UBE4B: variants seen among roughly 807,000 people sequenced by gnomAD.
UBE4B encodes the protein ubiquitin conjugation factor E4 B.
Under a neutral mutation model 148.1 loss-of-function variants are expected in UBE4B, and 27 were observed. That is an observed-to-expected ratio of 0.18 (90% CI 0.13 to 0.25). The LOEUF (loss-of-function observed/expected upper bound fraction) is 0.25, where lower values mean the gene tolerates loss of function less well. Among genes scored for constraint, UBE4B ranks in the 10% least tolerant of loss-of-function variants. The pLI, the probability that UBE4B is intolerant of heterozygous loss-of-function variation, is 1.00. For missense variants in UBE4B, 1,170 were observed against 1,662.4 expected, an observed-to-expected ratio of 0.70 and a Z score of 5.15; for synonymous variants, 596 against 619.3, an observed-to-expected ratio of 0.96 and a Z score of 0.56.
intron 3 of UBE4B, among the ~76,000 whole-genome samples, chr1:10,100,089 A>G (rs1644985917): frequency 1.3e-5 from 2 of 151,862 alleles, no homozygotes; most frequent in Non-Finnish European, 2.9e-5. Flanking sequence ...TCCCGGGTTC[A>G]GGCCATTCTC....
At chr1:10,156,536 ATACATATTGC>A (rs1646075695) in intron 21 of UBE4B, among the ~76,000 whole-genome samples, 1 of 152,056 alleles carries the variant, frequency 6.6e-6, no homozygotes, top group Non-Finnish European at 1.5e-5. Context: ...CCCTGCTGAG[ATACATATTGC>A]TACATAATAA....
Position 10,072,149 on chromosome 1 carries a change from C to T in UBE4B, c.146C>T (p.Pro49Leu), listed in dbSNP as rs1285777734. The T allele has an allele frequency of 3.1e-6, 5 of 1,613,894 alleles. No individual in the cohort carries two copies. Among genetic ancestry groups the T allele is most frequent in the Non-Finnish European group, 3.4e-6 (4 of 1,179,938 alleles). ...CCCATAGCGGCATCAGCCCCAGGACCCTCTCAGAGTCTTGGTCTCAATGTC... is the reference window on the plus strand; with the variant it reads ...CCCATAGCGGCATCAGCCCCAGGACTCTCTCAGAGTCTTGGTCTCAATGTC... ...GPPIAASAPG[P>L]SQSLGLNVHN... is the part of the protein sequence containing the mutation. The change falls in exon 2 of 28, where the codon CCC (proline) becomes CTC (leucine). Residue 49 changes from proline (P) to leucine (L), a missense_variant. Pro to Leu is a moderately conservative substitution (Grantham distance 98). Transcript: ENST00000343090.
chr1:10,167,577 A>T (rs1215225773), intron 23 of UBE4B, among the ~76,000 whole-genome samples: 1 of 149,758 alleles, frequency 6.7e-6, no homozygotes, highest in African/African-American at 2.5e-5. Flanking sequence ...CCTGAATAGA[A>T]GTTGATGGTG....
At position 10,147,043 on chromosome 1, in the gene UBE4B, C is replaced by T. The variant is rs751511397; in HGVS notation, c.2544C>T (p.Gly848=). 2 of 1,614,136 alleles carry T rather than the reference C, an allele frequency of 1.2e-6. No homozygotes were observed. The highest frequency in any genetic ancestry group is 1.7e-5 in the Admixed American group (1 of 60,002). ...SFLRRCLNFY[G]LLIQLLLRIL... is the part of the protein sequence containing the mutation. ...TGAGAAGATGTCTGAATTTTTATGG[C>T]CTTCTCATTCAGCTGCTGCTCCGCA... is the stretch of plus-strand genomic sequence containing the variant. The change falls in exon 19 of 28, where the codon GGC becomes GGT. Residue 848 remains glycine, a synonymous_variant. Transcript: ENST00000343090.
chr1:10,085,355 C>G (rs973304644), intron 2 of UBE4B, among the ~76,000 whole-genome samples: 6 of 152,208 alleles, frequency 3.9e-5, no homozygotes, highest in African/African-American at 1.4e-4. Context: ...CCTCAGGCCT[C>G]TTGACTTCAG....
chr1:10,165,132 G>A (rs1161711963), intron 23 of UBE4B, among the ~76,000 whole-genome samples: 1 of 152,166 alleles, frequency 6.6e-6, no homozygotes, highest in Non-Finnish European at 1.5e-5. Context: ...CAGACTTGCA[G>A]ACCAAGTATT....
At chr1:10,170,551 T>G (rs1646323926) in intron 24 of UBE4B, among the ~76,000 whole-genome samples, 1 of 152,188 alleles carries the variant, frequency 6.6e-6, no homozygotes, top group African/African-American at 2.4e-5. Context: ...CAGCATAGAT[T>G]ATTACTATTT....
intron 2 of UBE4B, among the ~76,000 whole-genome samples, chr1:10,094,541 C>A (rs945915671): frequency 1.3e-5 from 2 of 151,456 alleles, no homozygotes; most frequent in African/African-American, 4.9e-5. Flanking sequence ...TCAAGCAATT[C>A]TCCTGCCTCA....
At chr1:10,082,211 A>C (rs1318736188) in intron 2 of UBE4B, among the ~76,000 whole-genome samples, 1 of 152,098 alleles carries the variant, frequency 6.6e-6, no homozygotes, top group African/African-American at 2.4e-5. Flanking sequence ...AACAATTTAA[A>C]TACCCAGCTG....
chr1:10,096,155 A>G (rs1644925367), intron 3 of UBE4B, among the ~76,000 whole-genome samples: 1 of 152,228 alleles, frequency 6.6e-6, no homozygotes, highest in Non-Finnish European at 1.5e-5. Flanking sequence ...TTGTAAATAT[A>G]AAGTTGGCAA....
In UBE4B at chr1:10,149,304, C is replaced by T. The variant is rs1259590460; in HGVS notation, c.2690+22C>T. On this transcript the variant is annotated intron_variant, in intron 20 of 27. Transcript: ENST00000343090. ...TACAGTAAGTGCCTTTAATATTTTA[C>T]ATAGTTCTAATATGTTTTTATGCAT... 5 of 1,543,304 alleles carry T rather than the reference C, an allele frequency of 3.2e-6. No individual in the cohort carries two copies. The Admixed American group carries it at 7.6e-5, about 24-fold the overall frequency.
At chr1:10,055,449 G>A (rs1467344976) in intron 1 of UBE4B, among the ~76,000 whole-genome samples, 1 of 152,096 alleles carries the variant, frequency 6.6e-6, no homozygotes, top group East Asian at 1.9e-4. Context: ...TGAGTAGCTA[G>A]GACTACAGGC....
chr1:10,145,724 CATG>C (rs909192550), intron 18 of UBE4B: 21 of 152,340 alleles, frequency 1.4e-4, no homozygotes, highest in African/African-American at 5.0e-4. Flanking sequence ...CATGCATTTC[CATG>C]ATATTTGACA....
intron 1 of UBE4B, among the ~76,000 whole-genome samples, chr1:10,062,909 T>C (rs1325990306): frequency 1.4e-5 from 2 of 144,824 alleles, no homozygotes; most frequent in Non-Finnish European, 3.0e-5. Context: ...TGATCCGAGA[T>C]TGCACCATTG....
intron 14 of UBE4B, 61 bp from the exon 15 acceptor site, chr1:10,132,308 A>C: frequency 7.2e-7 from 1 of 1,383,278 alleles, no homozygotes. Context: ...TCGTGAAGTC[A>C]AAAAGGAATC....
chr1:10,080,374 C>G (rs1201790249), intron 2 of UBE4B, among the ~76,000 whole-genome samples: 1 of 151,354 alleles, frequency 6.6e-6, no homozygotes, highest in Non-Finnish European at 1.5e-5. Context: ...GAGCCAAGAT[C>G]CCACCACTGC....
intron 17 of UBE4B, among the ~76,000 whole-genome samples, chr1:10,140,556 G>T (rs1238207877): frequency 6.6e-6 from 1 of 152,124 alleles, no homozygotes; most frequent in African/African-American, 2.4e-5. Context: ...TATGATTGTG[G>T]ATTTATCTGT....
chr1:10,136,341 A>G lies in UBE4B; in HGVS notation c.2225-726A>G, dbSNP rs956164842. ...AAAAATTAGCCCAGCATGGTGGCACATGCCTGTGTTCCCAGCCACCCAGGA... is the reference window on the plus strand; with the variant it reads ...AAAAATTAGCCCAGCATGGTGGCACGTGCCTGTGTTCCCAGCCACCCAGGA... On this transcript the variant is annotated intron_variant, in intron 16 of 27. Transcript: ENST00000343090. 2.0e-5 allele frequency among the ~76,000 whole-genome samples: 3 copies of G among 152,064 alleles called. No homozygotes were observed. The East Asian group carries it at 5.8e-4, about 29-fold the overall frequency.
intron 16 of UBE4B, 118 bp downstream of exon 16, chr1:10,135,304 T>C: frequency 9.6e-7 from 1 of 1,043,144 alleles, no homozygotes; most frequent in Non-Finnish European, 1.4e-6. Context: ...TAGAGAAACA[T>C]AATAAAAATT....
Sources: allele counts gnomAD v4.1 joint callset (sites outside exome capture counted in the v4.1 genomes callset), GRCh38; gene constraint gnomAD v4.1.1; transcripts MANE v1.5; gene names NCBI Gene and HGNC (gene_info 2026-07-23, HGNC 2026-07-21).